The following SOX30 variants were observed in gnomAD, a reference collection of about 807,000 sequenced individuals.
The protein encoded by SOX30 is transcription factor SOX-30.
Under a neutral mutation model 58.6 loss-of-function variants are expected in SOX30, and 17 were observed. That is an observed-to-expected ratio of 0.29 (90% CI 0.20 to 0.44). The LOEUF is 0.44. Among genes scored for constraint, SOX30 ranks in the 20% least tolerant of loss-of-function variants. SOX30 has a pLI of 1.00. For synonymous variants in SOX30, 421 were observed against 400.2 expected (o/e 1.05, Z -0.62); for missense variants, 951 against 965.8 (o/e 0.98, Z 0.20).
chr5:157,662,213 T>C (rs1316998508), intron 2 of SOX30, among the ~76,000 whole-genome samples: 1 of 152,168 alleles, frequency 6.6e-6, no homozygotes, highest in Non-Finnish European at 1.5e-5. Context: ...TTAATCCCAA[T>C]TTTGGTAATT....
Position 157,646,679 on chromosome 5 carries a change from C to T in SOX30, c.1345G>A (p.Val449Met). The T allele has an allele frequency of 6.2e-7, 1 of 1,613,036 alleles. No individual in the cohort carries two copies. Among genetic ancestry groups the T allele is most frequent in the Non-Finnish European group, 8.5e-7 (1 of 1,179,514 alleles). Residue 449 changes from valine (V) to methionine (M), a missense_variant, in exon 3 of 5, where the codon GTG becomes ATG. Val to Met is a conservative substitution (Grantham distance 21, BLOSUM62 1). Transcript: ENST00000265007. ...GGATTCTGTAGGCTGGGAATTACCA[C>T]AGAGTACGTAGGTGAGCGGTAAGGA... ...VYPYRSPTYS[V>M]VIPSLQNPIT...
chr5:157,651,484 C>A lies in SOX30; in HGVS notation c.595G>T (p.Gly199Trp). Residue 199 changes from glycine (G) to tryptophan (W), a missense_variant, in exon 1 of 5, where the codon GGG becomes TGG. Physicochemically the swap from Gly to Trp is radical, Grantham distance 184. This residue lies in a region of SOX30 where 363 missense variants were observed against 294.5 expected (regional missense o/e 1.23). Coordinates refer to ENST00000265007, the MANE Select transcript of SOX30 (RefSeq NM_178424.2). ...ATGGCTGCCGGGCTTTTGCCTGCCC[C>A]GCCTTGCATCGAGTCTCTCATGACC... ...EEVMRDSMQG[G>W]AGKSPAAIRE... is the part of the protein sequence containing the mutation. 6.2e-7 allele frequency: 1 copy of A among 1,613,462 alleles called. No individual in the cohort carries two copies. The highest frequency in any genetic ancestry group is 1.1e-5 in the South Asian group (1 of 91,088).
chr5:157,630,452 T>C (rs1758762546), intron 4 of SOX30, among the ~76,000 whole-genome samples: 1 of 152,198 alleles, frequency 6.6e-6, no homozygotes, highest in South Asian at 2.1e-4. Context: ...CCAAGGTTTG[T>C]TGTTGTTGCT....
At chr5:157,670,481 G>T (rs1447368529) in intron 1 of SOX30, among the ~76,000 whole-genome samples, 1 of 152,134 alleles carries the variant, frequency 6.6e-6, no homozygotes, top group Non-Finnish European at 1.5e-5. Flanking sequence ...CTCTAAAAAT[G>T]ATAACTATTT....
intron 1 of SOX30, chr5:157,667,937 A>T (rs1364240336): frequency 7.2e-6 from 10 of 1,398,326 alleles, no homozygotes; most frequent in Non-Finnish European, 9.7e-6. Context: ...CATTCCCCAC[A>T]ACAACACTTG....
Position 157,652,244 on chromosome 5 carries a change from AC to A in SOX30, c.-167del. On this transcript the variant is annotated 5_prime_UTR_variant, in exon 1 of 5. Coordinates refer to ENST00000265007, the MANE Select transcript of SOX30 (RefSeq NM_178424.2). ...GCCTCACCCAATCACAACGACCGAT[AC>A]CCGTGGACGGCCAATCACAGGCGGG... 1 of 1,260,654 alleles carries A rather than the reference AC, an allele frequency of 7.9e-7. No individual in the cohort carries two copies. The allele number at this position is 1,260,654 out of a possible 1,614,324, so 78.1% of individuals were successfully genotyped here. A position where few individuals can be genotyped will look rare whatever the true frequency, so the allele number is the denominator to read the frequency against.
rs1554090739 is a variant in SOX30 at position 157,669,528 on chromosome 5, T to TTATC, written c.-3-1680_-3-1677dup. On this transcript the variant is annotated intron_variant, in intron 1 of 5. Coordinates refer to the SOX30 transcript ENST00000519442. ...TTTATTTATTTATTTATTTATTTATTTATCTGAGACAAAGTATTTCTCTGT... is the reference window on the plus strand; with the variant it reads ...TTTATTTATTTATTTATTTATTTATTTATCTATCTGAGACAAAGTATTTCTCTGT... 4.5e-3 allele frequency among the ~76,000 whole-genome samples: 655 copies of TTATC among 146,536 alleles called. 8 individuals carry two copies. The highest frequency in any genetic ancestry group is 0.016 in the African/African-American group (636 of 39,476).
At chr5:157,633,556 G>A (rs1470234897) in intron 4 of SOX30, among the ~76,000 whole-genome samples, 1 of 152,104 alleles carries the variant, frequency 6.6e-6, no homozygotes, top group Non-Finnish European at 1.5e-5. Flanking sequence ...CATGTTTTGG[G>A]ACTGTTAGTT....
upstream of SOX30, among the ~76,000 whole-genome samples, chr5:157,653,191 C>G (rs1312739885): frequency 4.6e-5 from 7 of 152,220 alleles, no homozygotes; most frequent in African/African-American, 1.7e-4. Context: ...TCCTCCTGCA[C>G]ATTTTTCATA....
chr5:157,663,085 C>T (rs1001984605), intron 2 of SOX30, among the ~76,000 whole-genome samples: 2 of 152,140 alleles, frequency 1.3e-5, no homozygotes, highest in African/African-American at 4.8e-5. Context: ...AGAGGAAATC[C>T]TCCCTAACTC....
intron 4 of SOX30, among the ~76,000 whole-genome samples, chr5:157,629,848 G>C (rs958873611): frequency 1.3e-5 from 2 of 152,184 alleles, no homozygotes; most frequent in Non-Finnish European, 2.9e-5. Flanking sequence ...ACAGAATCAG[G>C]CAATTTGACT....
rs570172679 is a variant in SOX30, at chr5:157,632,047, T to TAAAA, written c.1881-5330_1881-5327dup. Reference sequence around the variant, plus strand: ...GACACAGCAAGACCCACCCCGTAACTAAAAAAAAAAAAAAAAAAAAAAAAA... The same window carrying TAAAA: ...GACACAGCAAGACCCACCCCGTAACTAAAAAAAAAAAAAAAAAAAAAAAAAAAAA... On this transcript the variant is annotated intron_variant, in intron 4 of 4. Coordinates refer to ENST00000265007, the MANE Select transcript of SOX30 (RefSeq NM_178424.2). 1.2e-3 allele frequency among the ~76,000 whole-genome samples: 65 copies of TAAAA among 56,364 alleles called. 1 individual carries two copies. Among genetic ancestry groups the TAAAA allele is most frequent in the African/African-American group, 3.1e-3 (40 of 12,764 alleles). 37.0% of individuals were successfully genotyped at this position (56,364 alleles called of 152,430 possible). A position where few individuals can be genotyped will look rare whatever the true frequency, so the allele number is the denominator to read the frequency against.
At chr5:157,645,452 C>T (rs1194848883) in intron 3 of SOX30, among the ~76,000 whole-genome samples, 1 of 151,954 alleles carries the variant, frequency 6.6e-6, no homozygotes, top group Non-Finnish European at 1.5e-5. Flanking sequence ...TCATTTGAGC[C>T]CAGGATTCGA....
chr5:157,660,443 A>G (rs1328420682), intron 2 of SOX30, among the ~76,000 whole-genome samples: 3 of 150,920 alleles, frequency 2.0e-5, no homozygotes, highest in African/African-American at 7.3e-5. Flanking sequence ...ATAAAATAAA[A>G]TAAAATAAAG....
Position 157,651,886 on chromosome 5 carries a change from G to C in SOX30, c.193C>G (p.Pro65Ala). The C allele has an allele frequency of 6.5e-7, 1 of 1,544,916 alleles. No homozygotes were observed. Among genetic ancestry groups the C allele is most frequent in the Admixed American group, 1.9e-5 (1 of 51,642 alleles). ...CGEAVASGLQ[P>A]AVRRLLQVKP... ...ACCTGCAGCAGCCGCCGCACCGCGGGCTGTAAGCCGGACGCCACTGCCTCC... is the reference window on the plus strand; with the variant it reads ...ACCTGCAGCAGCCGCCGCACCGCGGCCTGTAAGCCGGACGCCACTGCCTCC... The change falls in exon 1 of 5, where the codon CCC (proline) becomes GCC (alanine). Residue 65 changes from proline to alanine, a missense_variant. By Grantham distance (27) the Pro-to-Ala change is conservative. Around this residue, in one of 7 missense-constraint regions of SOX30, gnomAD observed 363 missense variants for 294.5 expected, o/e 1.23. Coordinates refer to ENST00000265007, the MANE Select transcript of SOX30 (RefSeq NM_178424.2).
chr5:157,636,392 A>G (rs1758927872), intron 4 of SOX30, among the ~76,000 whole-genome samples: 1 of 152,214 alleles, frequency 6.6e-6, no homozygotes, highest in Non-Finnish European at 1.5e-5. Context: ...ACATTTTATA[A>G]AATTCTCCAA....
intron 1 of SOX30, among the ~76,000 whole-genome samples, chr5:157,649,772 A>T (rs923556190): frequency 6.6e-6 from 1 of 152,246 alleles, no homozygotes; most frequent in African/African-American, 2.4e-5. Context: ...ACTGGGCAAC[A>T]GAGTGAGACT....
intron 1 of SOX30, among the ~76,000 whole-genome samples, 166 bp from the exon 2 acceptor site, chr5:157,649,062 T>C (rs960767497): frequency 2.0e-5 from 3 of 151,754 alleles, no homozygotes; most frequent in Admixed American, 1.3e-4. Context: ...ATTCCTTACA[T>C]CCCCTGAACT....
At position 157,651,895 on chromosome 5, in the gene SOX30, C is replaced by T. The variant is rs765234383; in HGVS notation, c.184G>A (p.Gly62Ser). 2.0e-6 allele frequency: 3 copies of T among 1,535,988 alleles called. No individual in the cohort carries two copies. The highest frequency in any genetic ancestry group is 2.6e-6 in the Non-Finnish European group (3 of 1,145,940). Residue 62 changes from glycine to serine, a missense_variant, in exon 1 of 5, where the codon GGC (glycine) becomes AGC (serine). Around this residue, in one of 7 missense-constraint regions of SOX30, gnomAD observed 363 missense variants for 294.5 expected, o/e 1.23. Transcript: ENST00000265007. ...ASSCGEAVASGLQPAVRRLLQ... is the reference protein window; with the variant it reads ...ASSCGEAVASSLQPAVRRLLQ... ...AGCCGCCGCACCGCGGGCTGTAAGCCGGACGCCACTGCCTCCCCGCACGAC... is the reference window on the plus strand; with the variant it reads ...AGCCGCCGCACCGCGGGCTGTAAGCTGGACGCCACTGCCTCCCCGCACGAC...
Sources: gnomAD v4.1 joint callset for allele counts (sites outside exome capture counted in the v4.1 genomes callset) on GRCh38, gnomAD v4.1.1 for gene constraint, gnomAD v4.1.1 regional missense constraint, MANE v1.5 for transcripts, NCBI Gene and HGNC (gene_info 2026-07-23, HGNC 2026-07-21) for gene names.